Variants in STEAP1B observed in about 807,000 individuals in gnomAD.
STEAP1B encodes the protein STEAP family member 1B.
In STEAP1B, 13 loss-of-function variants were observed where a neutral mutation model predicts 27.9. The observed-to-expected ratio is 0.47, with a 90% CI of 0.30 to 0.74. The LOEUF is 0.74. Ranked by LOEUF, STEAP1B falls within the 30% of genes least tolerant of loss-of-function variation. The pLI, the probability that STEAP1B is intolerant of heterozygous loss-of-function variation, is 0.06. For missense variants in STEAP1B, 250 were observed against 298.7 expected (o/e 0.84, Z 1.20); for synonymous variants, 86 against 107.1 (o/e 0.80, Z 1.22).
intron 4 of STEAP1B, among the ~76,000 whole-genome samples, chr7:22,490,509 A>G (rs909080595): frequency 1.3e-5 from 2 of 152,138 alleles, no homozygotes; most frequent in African/African-American, 4.8e-5. Context: ...AAAAAACTCT[A>G]CCTTCTGTAA....
intron 4 of STEAP1B, among the ~76,000 whole-genome samples, chr7:22,486,879 G>A (rs1786219005): frequency 6.6e-6 from 1 of 152,010 alleles, no homozygotes. Context: ...CACACTCTCG[G>A]ACTCCTGGCT....
At chr7:22,460,598 G>A (rs1054048860) in intron 4 of STEAP1B, among the ~76,000 whole-genome samples, 1 of 152,130 alleles carries the variant, frequency 6.6e-6, no homozygotes, top group African/African-American at 2.4e-5. Context: ...AGGGGCAGGA[G>A]CTCTTAAGAG....
At chr7:22,471,040 G>A (rs1190214208) in intron 4 of STEAP1B, among the ~76,000 whole-genome samples, 1 of 150,250 alleles carries the variant, frequency 6.7e-6, no homozygotes, top group Non-Finnish European at 1.5e-5. Flanking sequence ...TCTTTAAATT[G>A]AGTAAGGAAA....
chr7:22,494,742 T>C, intron 2 of STEAP1B, 30 bp downstream of exon 2: 1 of 1,353,180 alleles, frequency 7.4e-7, no homozygotes, highest in Non-Finnish European at 1.0e-6. Context: ...TGTAAATTAT[T>C]ATTTATTATT....
intron 4 of STEAP1B, among the ~76,000 whole-genome samples, chr7:22,448,196 G>A (rs984015379): frequency 7.2e-5 from 11 of 152,196 alleles, no homozygotes; most frequent in Non-Finnish European, 1.0e-4. Flanking sequence ...TTCCCTTCCC[G>A]TGTTAAAATA....
intron 4 of STEAP1B, among the ~76,000 whole-genome samples, chr7:22,457,497 C>A (rs1405625122): frequency 6.6e-6 from 1 of 152,190 alleles, no homozygotes; most frequent in African/African-American, 2.4e-5. Flanking sequence ...GCTAGGAGAG[C>A]AGCTGCCTAC....
intron 4 of STEAP1B, among the ~76,000 whole-genome samples, chr7:22,491,275 T>C (rs1366349776): frequency 1.3e-5 from 2 of 152,214 alleles, no homozygotes; most frequent in Admixed American, 6.5e-5. Flanking sequence ...TATCCAGATA[T>C]ATAATAAATG....
intron 2 of STEAP1B, among the ~76,000 whole-genome samples, chr7:22,494,239 C>G (rs968709500): frequency 6.7e-6 from 1 of 149,990 alleles, no homozygotes; most frequent in Non-Finnish European, 1.5e-5. Flanking sequence ...CTTTTTCAGT[C>G]AAAAAATGTA....
intron 1 of STEAP1B, among the ~76,000 whole-genome samples, chr7:22,498,817 G>A (rs1205620129): frequency 2.0e-5 from 3 of 152,036 alleles, no homozygotes; most frequent in Non-Finnish European, 4.4e-5. Context: ...ACTACAAAGA[G>A]TCTGGGTGGA....
At chr7:22,455,870 G>C (rs1000529234) in intron 4 of STEAP1B, among the ~76,000 whole-genome samples, 1 of 152,196 alleles carries the variant, frequency 6.6e-6, no homozygotes, top group Non-Finnish European at 1.5e-5. Flanking sequence ...CTTCCTGGCC[G>C]GGCACAGTGG....
chr7:22,477,943 A>C (rs1161293793), intron 4 of STEAP1B, among the ~76,000 whole-genome samples: 1 of 152,152 alleles, frequency 6.6e-6, no homozygotes, highest in African/African-American at 2.4e-5. Context: ...AACTCAAAAA[A>C]CATAGGGAAA....
intron 4 of STEAP1B, among the ~76,000 whole-genome samples, chr7:22,483,706 G>T (rs1454492847): frequency 6.6e-6 from 1 of 152,140 alleles, no homozygotes; most frequent in African/African-American, 2.4e-5. Flanking sequence ...CCACAACTCT[G>T]CCTTTCACTT....
chr7:22,473,138 A>G (rs1271399693), intron 4 of STEAP1B, among the ~76,000 whole-genome samples: 1 of 152,194 alleles, frequency 6.6e-6, no homozygotes, highest in East Asian at 1.9e-4. Flanking sequence ...CGCACTGACC[A>G]GGACACCGCA....
chr7:22,484,516 T>C (rs150908933), intron 4 of STEAP1B, among the ~76,000 whole-genome samples: 98 of 152,358 alleles, frequency 6.4e-4, no homozygotes, highest in African/African-American at 2.1e-3. Flanking sequence ...TCATTGACAA[T>C]GCACCTGGTC....
intron 2 of STEAP1B, 45 bp downstream of exon 2, chr7:22,494,727 A>T: frequency 7.7e-7 from 1 of 1,303,458 alleles, no homozygotes; most frequent in Non-Finnish European, 1.1e-6. Flanking sequence ...AATTATGTTT[A>T]AAGATGTAAA....
intron 4 of STEAP1B, among the ~76,000 whole-genome samples, chr7:22,450,600 T>G (rs1785471868): frequency 5.5e-5 from 2 of 36,590 alleles, no homozygotes; most frequent in Non-Finnish European, 1.4e-4. Context: ...TGTAGTTTTG[T>G]TTTTTTTTTT....
chr7:22,440,674 A>T (rs1045857570), intron 4 of STEAP1B, among the ~76,000 whole-genome samples: 15 of 152,310 alleles, frequency 9.8e-5, no homozygotes, highest in African/African-American at 3.1e-4. Flanking sequence ...ACAAATTACA[A>T]AAATAATATG....
chr7:22,433,147 AC>A (rs1026173196), intron 4 of STEAP1B, among the ~76,000 whole-genome samples: 24 of 150,268 alleles, frequency 1.6e-4, no homozygotes, highest in African/African-American at 4.9e-4. Flanking sequence ...CCAAAAAAAA[AC>A]AAAACAAAAC....
chr7:22,434,789 T>C (rs1175181955), intron 4 of STEAP1B, among the ~76,000 whole-genome samples: 1 of 152,254 alleles, frequency 6.6e-6, no homozygotes, highest in Non-Finnish European at 1.5e-5. Context: ...ATTTTATCCT[T>C]GGGAATTCTG....
Sources: allele counts gnomAD v4.1 joint callset (sites outside exome capture counted in the v4.1 genomes callset), GRCh38; gene constraint gnomAD v4.1.1; transcripts MANE v1.5; gene names NCBI Gene and HGNC (gene_info 2026-07-23, HGNC 2026-07-21).